CEP112: variants seen among roughly 807,000 people sequenced by gnomAD.
The protein encoded by CEP112 is centrosomal protein 112.
A neutral mutation model predicts 153.0 loss-of-function variants in CEP112; 127 were observed. The observed-to-expected ratio is 0.83, with a 90% CI of 0.72 to 0.96. The LOEUF is 0.96. Among genes scored for constraint, CEP112 ranks in the 40% least tolerant of loss-of-function variants. The probability of loss-of-function intolerance (pLI) is 0.00; values close to 1 mark genes in which losing one functional copy is unlikely to be tolerated. For synonymous variants in CEP112, 358 were observed against 374.4 expected (o/e 0.96, Z 0.51); for missense variants, 1,089 against 1,101.2 (o/e 0.99, Z 0.16).
chr17:65,951,312 T>C lies in CEP112; in HGVS notation c.1872+10151A>G, dbSNP rs117928759. Among the ~76,000 whole-genome samples the C allele has an allele frequency of 9.5e-4, 144 of 152,322 alleles. 2 individuals carry two copies. The East Asian group carries it at 0.026, about 28-fold the overall frequency. Reference sequence around the variant, plus strand: ...AAGAGTTTTCAAAGAATTAAAATTATTTCTTCTTTAAATAGTTGATGTAAT... The same window carrying C: ...AAGAGTTTTCAAAGAATTAAAATTACTTCTTCTTTAAATAGTTGATGTAAT... On this transcript the variant is annotated intron_variant, in intron 18 of 26. Coordinates refer to ENST00000535342, the MANE Select transcript of CEP112 (RefSeq NM_001199165.4).
intron 19 of CEP112, among the ~76,000 whole-genome samples, chr17:65,913,182 A>T (rs2060349244): frequency 6.6e-6 from 1 of 152,184 alleles, no homozygotes; most frequent in Non-Finnish European, 1.5e-5. Flanking sequence ...AAGTTACTAA[A>T]TTTTTTAGAG....
chr17:66,078,680 T>C (rs1433349977), intron 8 of CEP112, among the ~76,000 whole-genome samples: 1 of 152,160 alleles, frequency 6.6e-6, no homozygotes, highest in Admixed American at 6.6e-5. Context: ...TTTTAATTTT[T>C]GTTTTTGTTT....
Position 65,795,984 on chromosome 17 carries a change from G to A in CEP112, c.2395-45260C>T, listed in dbSNP as rs141193068. Among the ~76,000 whole-genome samples the A allele has an allele frequency of 1.1e-3, 173 of 152,170 alleles. 3 individuals are homozygous for A. The East Asian group carries it at 0.018, about 16-fold the overall frequency. On this transcript the variant is annotated intron_variant, in intron 21 of 26. Coordinates refer to ENST00000535342, the MANE Select transcript of CEP112 (RefSeq NM_001199165.4). ...CATTTACCCATTTCAGGTAGAGTTT[G>A]CCCTGGCCACACGGGGTCTGCCCTT... is the stretch of plus-strand genomic sequence containing the variant.
chr17:65,888,750 A>G lies in CEP112; in HGVS notation c.2163+13402T>C, dbSNP rs540524460. The stretch of plus-strand genomic sequence containing the variant: ...AATGTAATGGACAGATTCCGGGCAC[A>G]GTAAAGTATGTGGGGTAGGAGCATT... On this transcript the variant is annotated intron_variant, in intron 20 of 26. Coordinates refer to ENST00000535342, the MANE Select transcript of CEP112 (RefSeq NM_001199165.4). Among the ~76,000 whole-genome samples, 5 of 152,296 alleles carry G rather than the reference A, an allele frequency of 3.3e-5. No homozygotes were observed. The South Asian group carries it at 1.0e-3, about 32-fold the overall frequency.
At chr17:66,069,598 A>G (rs751780077) in intron 9 of CEP112, among the ~76,000 whole-genome samples, 6 of 152,144 alleles carry the variant, frequency 3.9e-5, no homozygotes, top group Non-Finnish European at 7.4e-5. Context: ...TCTTATTTCA[A>G]CTTTCATGAA....
intron 12 of CEP112, among the ~76,000 whole-genome samples, chr17:66,051,499 T>C (rs2066439664): frequency 6.6e-6 from 1 of 152,058 alleles, no homozygotes; most frequent in Admixed American, 6.6e-5. Flanking sequence ...AATTAACATC[T>C]GAAGAGCTTA....
intron 17 of CEP112, among the ~76,000 whole-genome samples, chr17:65,998,382 C>CAAAAAAAAAAA: frequency 1.4e-5 from 1 of 70,026 alleles, no homozygotes; most frequent in Non-Finnish European, 2.4e-5. Flanking sequence ...GGCCTCGTCT[C>CAAAAAAAAAAA]AAAAAAAAAA....
intron 23 of CEP112, among the ~76,000 whole-genome samples, chr17:65,723,897 ATC>A (rs1430375916): frequency 1.3e-5 from 2 of 152,248 alleles, no homozygotes; most frequent in East Asian, 3.8e-4. Flanking sequence ...GATGCAAATC[ATC>A]TGTTACTCTG....
At position 65,812,013 on chromosome 17, in the gene CEP112, C is replaced by CT. The variant is rs201240504; in HGVS notation, c.2394+39790dup. On this transcript the variant is annotated intron_variant, in intron 21 of 26. Transcript: ENST00000535342. Reference sequence around the variant, plus strand: ...TATGTATTAAAATACATTTTTTTTTCTTTTTTTTGAGATGGAGTCTCACTC... The same window carrying CT: ...TATGTATTAAAATACATTTTTTTTTCTTTTTTTTTGAGATGGAGTCTCACTC... 5.3e-3 allele frequency among the ~76,000 whole-genome samples: 799 copies of CT among 149,382 alleles called. 3 individuals are homozygous for CT. Among genetic ancestry groups the CT allele is most frequent in the African/African-American group, 0.018 (748 of 40,792 alleles).
chr17:66,149,577 T>C (rs902300434), intron 4 of CEP112, among the ~76,000 whole-genome samples: 1 of 152,142 alleles, frequency 6.6e-6, no homozygotes, highest in African/African-American at 2.4e-5. Flanking sequence ...TGTGAGAAAT[T>C]TGTTCATTTC....
chr17:65,986,957 TTAAA>T (rs2063431874), intron 17 of CEP112, among the ~76,000 whole-genome samples: 1 of 152,114 alleles, frequency 6.6e-6, no homozygotes, highest in South Asian at 2.1e-4. Flanking sequence ...CAAGTGTTTG[TTAAA>T]TAAACGAAAC....
At chr17:65,682,103 C>T (rs946431146) in intron 24 of CEP112, among the ~76,000 whole-genome samples, 1 of 152,104 alleles carries the variant, frequency 6.6e-6, no homozygotes, top group Admixed American at 6.5e-5. Context: ...AAGCAATTCT[C>T]CTGCCTCAGT....
At chr17:65,948,591 T>C (rs1568276881) in intron 18 of CEP112, among the ~76,000 whole-genome samples, 2 of 138,676 alleles carry the variant, frequency 1.4e-5, no homozygotes, top group African/African-American at 2.9e-5. Context: ...TATATATATA[T>C]ACATACATAG....
Position 65,849,203 on chromosome 17 carries a change from T to C in CEP112, c.2394+2601A>G, listed in dbSNP as rs141692645. ...TCTTGCTTTCCTTATTCTTTTGACTTAGAATGCCATCCAACATATCTACTA... is the reference window on the plus strand; with the variant it reads ...TCTTGCTTTCCTTATTCTTTTGACTCAGAATGCCATCCAACATATCTACTA... On this transcript the variant is annotated intron_variant, in intron 21 of 26. Transcript: ENST00000535342. Among the ~76,000 whole-genome samples the C allele has an allele frequency of 1.2e-4, 19 of 152,354 alleles. No individual in the cohort carries two copies. The East Asian group carries it at 3.5e-3, about 28-fold the overall frequency.
At chr17:66,099,476 C>G (rs918480890) in intron 6 of CEP112, among the ~76,000 whole-genome samples, 1 of 145,548 alleles carries the variant, frequency 6.9e-6, no homozygotes, top group Non-Finnish European at 1.5e-5. Flanking sequence ...TGCACTCCAG[C>G]CTGGGTGACA....
chr17:65,875,257 A>AT (rs2058787759), intron 20 of CEP112, among the ~76,000 whole-genome samples: 1 of 152,114 alleles, frequency 6.6e-6, no homozygotes, highest in African/African-American at 2.4e-5. Flanking sequence ...CAAATAGAAA[A>AT]AGAACAGTTA....
intron 23 of CEP112, among the ~76,000 whole-genome samples, chr17:65,726,640 T>G (rs935548433): frequency 6.6e-6 from 1 of 152,296 alleles, no homozygotes; most frequent in East Asian, 1.9e-4. Flanking sequence ...CAGAAGAGTT[T>G]GATCATGATG....
At chr17:66,184,143 G>C (rs1242345492) in intron 1 of CEP112, among the ~76,000 whole-genome samples, 1 of 152,002 alleles carries the variant, frequency 6.6e-6, no homozygotes, top group East Asian at 1.9e-4. Flanking sequence ...TGTAGTCCCA[G>C]CTACTTGGGA....
At chr17:66,094,988 G>T (rs941852869) in intron 8 of CEP112, among the ~76,000 whole-genome samples, 3 of 151,968 alleles carry the variant, frequency 2.0e-5, no homozygotes, top group Non-Finnish European at 4.4e-5. Flanking sequence ...TCAACAAAAA[G>T]AAAAAAGATC....
Sources: allele counts gnomAD v4.1 joint callset (sites outside exome capture counted in the v4.1 genomes callset), GRCh38; gene constraint gnomAD v4.1.1; transcripts MANE v1.5; gene names NCBI Gene and HGNC (gene_info 2026-07-23, HGNC 2026-07-21).